STX1B: variants seen among roughly 807,000 people sequenced by gnomAD.
The protein encoded by STX1B is syntaxin-1B.
STX1B carries 7 observed loss-of-function variants against 39.4 expected under a neutral mutation model. The observed-to-expected ratio is 0.18, with a 90% CI of 0.10 to 0.33. The LOEUF is 0.33. Ranked by LOEUF, STX1B falls within the 10% of genes least tolerant of loss-of-function variation. STX1B has a pLI of 1.00. For synonymous variants in STX1B, 136 were observed against 144.1 expected (o/e 0.94, Z 0.40); for missense variants, 198 against 383.2 (o/e 0.52, Z 4.04).
chr16:30,996,725 T>A lies in STX1B; in HGVS notation c.495A>T (p.Glu165Asp). 6.2e-7 allele frequency: 1 copy of A among 1,614,170 alleles called. No homozygotes were observed. Among genetic ancestry groups the A allele is most frequent in the Non-Finnish European group, 8.5e-7 (1 of 1,179,988 alleles). The change falls in exon 7 of 10, where the codon GAA becomes GAT. Residue 165 changes from glutamate (E) to aspartate (D), a missense_variant. Coordinates refer to ENST00000215095, the MANE Select transcript of STX1B (RefSeq NM_052874.5). ...CCAGCTTCCCGCTCTCCAGCATGTC[T>A]TCCAGTTCTTCGTTGGTGGTGGTCC... ...TGRTTTNEEL[E>D]DMLESGKLAI... is the part of the protein sequence containing the mutation.
Position 30,992,849 on chromosome 16 carries a change from G to A in STX1B, c.839C>T (p.Ser280Leu). 6.2e-7 allele frequency: 1 copy of A among 1,613,820 alleles called. No individual in the cohort carries two copies. The highest frequency in any genetic ancestry group is 8.5e-7 in the Non-Finnish European group (1 of 1,179,882). Residue 280 changes from serine to leucine, a missense_variant, in exon 10 of 10, where the codon TCA becomes TTA. Ser to Leu is a moderately radical substitution (Grantham distance 145). Transcript: ENST00000215095. The part of the protein sequence containing the change: ...CCVVLGVVLA[S>L]SIGGTLGL The stretch of plus-strand genomic sequence containing the variant: ...CAAGCCCAGCGTCCCCCCAATGGAT[G>A]ACGCCAAGACCACCCCCAGCACCAC...
intron 7 of STX1B, 25 bp downstream of exon 7, chr16:30,996,658 A>T (rs1243751634): frequency 6.2e-7 from 1 of 1,609,232 alleles, no homozygotes; most frequent in South Asian, 1.1e-5. Flanking sequence ...TTCCAAAAGC[A>T]GAGCCCGCCC....
rs781138086 is a variant in STX1B at position 30,992,698 on chromosome 16, T to TGGAGGAGGGGG, written c.*122_*123insCCCCCTCCTCC. ...GGGACACCAGGGTCTGCCGTGGGGGTGGGGCTGCCTGGGTCTGTTTTGGGA... is the reference window on the plus strand; with the variant it reads ...GGGACACCAGGGTCTGCCGTGGGGGTGGAGGAGGGGGGGGGCTGCCTGGGTCTGTTTTGGGA... On this transcript the variant is annotated 3_prime_UTR_variant, in exon 10 of 10. Coordinates refer to ENST00000215095, the MANE Select transcript of STX1B (RefSeq NM_052874.5). The TGGAGGAGGGGG allele has an allele frequency of 8.7e-4, 404 of 466,724 alleles. No homozygotes were observed. Among genetic ancestry groups the TGGAGGAGGGGG allele is most frequent in the African/African-American group, 2.9e-3 (57 of 19,982 alleles). 28.9% of individuals were successfully genotyped at this position (466,724 alleles called of 1,614,324 possible).
Position 31,001,275 on chromosome 16 carries a change from A to G in STX1B, c.106-82T>C, listed in dbSNP as rs2143678047. On this transcript the variant is annotated intron_variant, in intron 2 of 9. Transcript: ENST00000215095. This position sits in a 1 kb window ranked among gnomAD's most constrained non-coding sequence, Gnocchi z 5.5. ...AGGGGAACCAGCCAGGGTTCAGGGG[A>G]ATGGACCAGCCCCAGAACGGCTGAT... The G allele has an allele frequency of 7.4e-7, 1 of 1,358,058 alleles. No individual in the cohort carries two copies. Among genetic ancestry groups the G allele is most frequent in the East Asian group, 2.3e-5 (1 of 43,108 alleles). 84.1% of individuals were successfully genotyped at this position (1,358,058 alleles called of 1,614,324 possible). A position where few individuals can be genotyped will look rare whatever the true frequency, so the allele number is the denominator to read the frequency against.
At chr16:30,993,269 G>A (rs751464859) in intron 8 of STX1B, 29 bp from the exon 9 acceptor site, 1 of 1,613,810 alleles carries the variant, frequency 6.2e-7, no homozygotes, top group South Asian at 1.1e-5. Flanking sequence ...TGCACAGGGA[G>A]GGATGGGGGC....
intron 5 of STX1B, 77 bp downstream of exon 5, chr16:30,997,425 C>T: frequency 7.4e-7 from 1 of 1,347,650 alleles, no homozygotes; most frequent in Non-Finnish European, 1.0e-6. Flanking sequence ...GTGCTTGGCC[C>T]TGGCCCGCCG....
At chr16:30,998,976 A>G (rs2056609982) in intron 4 of STX1B, among the ~76,000 whole-genome samples, 1 of 152,200 alleles carries the variant, frequency 6.6e-6, no homozygotes, top group Admixed American at 6.5e-5. Context: ...GCTCAGCTAG[A>G]ACAACCTGAC....
intron 1 of STX1B, among the ~76,000 whole-genome samples, chr16:31,008,898 C>T (rs888985399): frequency 2.6e-5 from 4 of 152,200 alleles, no homozygotes; most frequent in African/African-American, 9.6e-5. Flanking sequence ...AATGAGATAA[C>T]CAGTCTCATA....
Position 31,001,123 on chromosome 16 carries a change from G to A in STX1B, c.176C>T (p.Ala59Val). Residue 59 changes from alanine (A) to valine (V), a missense_variant, in exon 3 of 10, where the codon GCC (alanine) becomes GTC (valine). By Grantham distance (64) the Ala-to-Val change is moderately conservative. Coordinates refer to ENST00000215095, the MANE Select transcript of STX1B (RefSeq NM_052874.5). The surrounding 1 kb of genome is among the most constrained non-coding windows in gnomAD (Gnocchi z 5.5). ...DVEQVKKQHS[A>V]ILAAPNPDEK... ...ATCTGGGTTGGGTGCGGCCAGGATG[G>A]CGCTATGCTGTTTTTTCACCTGCTC... is the stretch of plus-strand genomic sequence containing the variant. The A allele has an allele frequency of 6.2e-7, 1 of 1,614,156 alleles. No homozygotes were observed. Among genetic ancestry groups the A allele is most frequent in the South Asian group, 1.1e-5 (1 of 91,082 alleles).
At chr16:30,996,037 G>A (rs1290672938) in intron 7 of STX1B, among the ~76,000 whole-genome samples, 2 of 151,788 alleles carry the variant, frequency 1.3e-5, no homozygotes, top group East Asian at 3.9e-4. Flanking sequence ...TTTTTAGGCC[G>A]AGTGGTGGGC....
At chr16:30,993,055 G>T (rs756240827) in intron 9 of STX1B, 75 bp downstream of exon 9, 2 of 1,467,202 alleles carry the variant, frequency 1.4e-6, no homozygotes, top group East Asian at 2.3e-5. Flanking sequence ...CCTCCCGCCC[G>T]CTGCCATCAC....
At chr16:31,000,402 G>A (rs1262999428) in intron 4 of STX1B, among the ~76,000 whole-genome samples, 1 of 150,336 alleles carries the variant, frequency 6.7e-6, no homozygotes, top group Non-Finnish European at 1.5e-5. Flanking sequence ...GCATGATCTC[G>A]GCTCACTGCA....
At position 30,992,465 on chromosome 16, in the gene STX1B, G is replaced by C. The variant is rs1197125994; in HGVS notation, c.*356C>G. 4.3e-5 allele frequency: 11 copies of C among 257,716 alleles called. No individual in the cohort carries two copies. Among genetic ancestry groups the C allele is most frequent in the Non-Finnish European group, 7.6e-5 (10 of 132,378 alleles). 16.0% of individuals were successfully genotyped at this position (257,716 alleles called of 1,614,324 possible). On this transcript the variant is annotated 3_prime_UTR_variant, in exon 10 of 10. Transcript: ENST00000215095. ...AGTCTACACAACAGCCCCGGTGAAGGGGGAAGCTCAGACCACGCACACACA... is the reference window on the plus strand; with the variant it reads ...AGTCTACACAACAGCCCCGGTGAAGCGGGAAGCTCAGACCACGCACACACA...
chr16:30,996,868 GC>G, intron 6 of STX1B, 82 bp downstream of exon 6: 1 of 1,566,170 alleles, frequency 6.4e-7, no homozygotes, highest in Admixed American at 1.7e-5. Flanking sequence ...TAAGCCAGGG[GC>G]CCCCTCCAGA....
intron 7 of STX1B, 143 bp downstream of exon 7, chr16:30,996,540 C>T: frequency 1.3e-6 from 1 of 743,148 alleles, no homozygotes; most frequent in Non-Finnish European, 2.3e-6. Flanking sequence ...TCCTGCTCCG[C>T]TCCCATGGAA....
chr16:30,993,036 G>A, intron 9 of STX1B, 94 bp downstream of exon 9: 4 of 1,385,422 alleles, frequency 2.9e-6, no homozygotes, highest in South Asian at 2.3e-5. Flanking sequence ...GTCAGAGCCA[G>A]AGATAAGGCC....
At chr16:30,996,526 G>A in intron 7 of STX1B, 157 bp downstream of exon 7, 1 of 655,900 alleles carries the variant, frequency 1.5e-6, no homozygotes, top group Non-Finnish European at 2.7e-6. Context: ...TGATGGGGGT[G>A]CCTTCCTGCT....
At chr16:30,996,833 TG>T (rs2056595151) in intron 6 of STX1B, 77 bp from the exon 7 acceptor site, 5 of 1,577,292 alleles carry the variant, frequency 3.2e-6, no homozygotes, top group Non-Finnish European at 2.6e-6. Flanking sequence ...GGCGGGGACC[TG>T]GGGCCCACCC....
chr16:31,000,719 G>A (rs995516057), intron 4 of STX1B, among the ~76,000 whole-genome samples: 1 of 151,854 alleles, frequency 6.6e-6, no homozygotes. Flanking sequence ...CTTGAACTCC[G>A]GACCTCGTGA....
Sources: gnomAD v4.1 joint callset for allele counts (sites outside exome capture counted in the v4.1 genomes callset) on GRCh38, gnomAD v4.1.1 for gene constraint, Gnocchi (gnomAD v3.1) non-coding constraint, MANE v1.5 for transcripts, NCBI Gene and HGNC (gene_info 2026-07-23, HGNC 2026-07-21) for gene names.